The following TRHDE variants were observed in gnomAD, a reference collection of about 807,000 sequenced individuals.
TRHDE encodes thyrotropin releasing hormone degrading enzyme.
TRHDE carries 72 observed loss-of-function variants against 125.7 expected under a neutral mutation model. The observed-to-expected ratio is 0.57, with a 90% CI of 0.47 to 0.70. The LOEUF is 0.70. Among genes scored for constraint, TRHDE ranks in the 30% least tolerant of loss-of-function variants. The pLI, the probability that TRHDE is intolerant of heterozygous loss-of-function variation, is 0.00. For synonymous variants in TRHDE, 509 were observed against 509.1 expected (o/e 1.00, Z 0.00); for missense variants, 1,110 against 1,327.1 (o/e 0.84, Z 2.54).
chr12:72,364,048 G>A (rs1344014811), intron 2 of TRHDE, among the ~76,000 whole-genome samples: 2 of 152,006 alleles, frequency 1.3e-5, no homozygotes, highest in African/African-American at 2.4e-5. Context: ...AAAATAGCTA[G>A]GAAGCCAACT....
At chr12:72,482,309 T>C (rs1012735527) in intron 5 of TRHDE, among the ~76,000 whole-genome samples, 21 of 151,912 alleles carry the variant, frequency 1.4e-4, no homozygotes, top group African/African-American at 4.6e-4. Context: ...GTAGCTTTTT[T>C]ACAGAGCAGC....
At chr12:72,176,597 GA>G (rs1876993891) in intron 2 of TRHDE, among the ~76,000 whole-genome samples, 1 of 152,174 alleles carries the variant, frequency 6.6e-6, no homozygotes, top group South Asian at 2.1e-4. Context: ...GTAGTGGTAT[GA>G]TTTTTTTCTA....
intron 1 of TRHDE, among the ~76,000 whole-genome samples, chr12:72,281,187 T>TA (rs911262187): frequency 3.3e-5 from 5 of 151,940 alleles, no homozygotes; most frequent in African/African-American, 4.8e-5. Context: ...AATGGTTATT[T>TA]AAAAAAAATA....
intron 15 of TRHDE, among the ~76,000 whole-genome samples, chr12:72,647,308 T>G (rs554982948): frequency 1.3e-5 from 2 of 152,016 alleles, no homozygotes; most frequent in Non-Finnish European, 2.9e-5. Context: ...ATACTGAAAC[T>G]TATGGGATAC....
intron 6 of TRHDE, among the ~76,000 whole-genome samples, chr12:72,529,426 T>A (rs1159415002): frequency 6.6e-6 from 1 of 152,154 alleles, no homozygotes; most frequent in African/African-American, 2.4e-5. Context: ...CTTAACCCCC[T>A]GTCCCTCCCT....
In TRHDE at chr12:72,595,843, T is replaced by G. The variant is rs1042103253; in HGVS notation, c.2321+20301T>G. Reference sequence around the variant, plus strand: ...GGCCCAGTGAGTGTTTAATGAATATTTTCTGTTATTATATAACAGTCCTTG... The same window carrying G: ...GGCCCAGTGAGTGTTTAATGAATATGTTCTGTTATTATATAACAGTCCTTG... On this transcript the variant is annotated intron_variant, in intron 12 of 18. Transcript: ENST00000261180. Among the ~76,000 whole-genome samples the G allele has an allele frequency of 8.5e-5, 13 of 152,270 alleles. No individual in the cohort carries two copies. The East Asian group carries it at 2.3e-3, about 27-fold the overall frequency.
chr12:72,197,361 G>A (rs982770463), intron 2 of TRHDE, among the ~76,000 whole-genome samples: 3 of 152,032 alleles, frequency 2.0e-5, no homozygotes, highest in Admixed American at 6.6e-5. Context: ...CATACAATAT[G>A]CTTCACTTAT....
intron 5 of TRHDE, among the ~76,000 whole-genome samples, chr12:72,481,481 A>G (rs1877169425): frequency 6.6e-6 from 1 of 151,688 alleles, no homozygotes; most frequent in Non-Finnish European, 1.5e-5. Flanking sequence ...TGTACCTCTC[A>G]ACACTTTACA....
intron 15 of TRHDE, among the ~76,000 whole-genome samples, chr12:72,638,901 A>C (rs990445416): frequency 6.6e-6 from 1 of 151,442 alleles, no homozygotes. Flanking sequence ...CTTCCCTTTG[A>C]GGGTAACCCG....
chr12:72,361,235 A>T (rs780290735), intron 2 of TRHDE, among the ~76,000 whole-genome samples: 1 of 151,802 alleles, frequency 6.6e-6, no homozygotes, highest in Non-Finnish European at 1.5e-5. Flanking sequence ...TGACTTTACC[A>T]TGTTAAATAA....
intron 12 of TRHDE, among the ~76,000 whole-genome samples, chr12:72,580,733 G>A (rs1005526254): frequency 1.3e-5 from 2 of 152,246 alleles, no homozygotes; most frequent in African/African-American, 2.4e-5. Flanking sequence ...GAGCCACAGT[G>A]CCTTGCCTGT....
At chr12:72,611,593 C>T (rs1872636632) in intron 12 of TRHDE, among the ~76,000 whole-genome samples, 1 of 152,262 alleles carries the variant, frequency 6.6e-6, no homozygotes, top group Admixed American at 6.5e-5. Flanking sequence ...TGAACCTTCA[C>T]TCTAACAAAG....
rs184082590 is a variant in TRHDE at position 72,425,950 on chromosome 12, G to C, written c.1316-43808G>C. On this transcript the variant is annotated intron_variant, in intron 3 of 18. Coordinates refer to ENST00000261180, the MANE Select transcript of TRHDE (RefSeq NM_013381.3). ...CTCATATATATATATAATTACAAAA[G>C]GTCAAAAAAAAGCAAGACATCAACT... Among the ~76,000 whole-genome samples, 10 of 151,664 alleles carry C rather than the reference G, an allele frequency of 6.6e-5. No homozygotes were observed. The East Asian group carries it at 1.9e-3, about 29-fold the overall frequency.
At chr12:72,243,255 G>T (rs1331374571) in intron 2 of TRHDE, among the ~76,000 whole-genome samples, 1 of 152,136 alleles carries the variant, frequency 6.6e-6, no homozygotes, top group African/African-American at 2.4e-5. Flanking sequence ...GCTTTTACTT[G>T]CTGCCAAAAG....
chr12:72,655,396 T>C (rs1317119799), intron 17 of TRHDE, among the ~76,000 whole-genome samples: 1 of 152,142 alleles, frequency 6.6e-6, no homozygotes, highest in African/African-American at 2.4e-5. Context: ...AATATCAAAC[T>C]GCTTGTAGTT....
intron 1 of TRHDE, among the ~76,000 whole-genome samples, chr12:72,087,879 G>A (rs1024615501): frequency 3.3e-5 from 5 of 152,152 alleles, no homozygotes; most frequent in Non-Finnish European, 5.9e-5. Flanking sequence ...TTTACCAGCC[G>A]AGGTGTAGGA....
chr12:72,643,441 A>G (rs1190376461), intron 15 of TRHDE, among the ~76,000 whole-genome samples: 1 of 152,192 alleles, frequency 6.6e-6, no homozygotes, highest in Non-Finnish European at 1.5e-5. Context: ...GCACATTCAA[A>G]GTATGCAGTC....
intron 6 of TRHDE, among the ~76,000 whole-genome samples, chr12:72,523,705 A>G (rs1376536895): frequency 6.6e-6 from 1 of 152,184 alleles, no homozygotes; most frequent in African/African-American, 2.4e-5. Flanking sequence ...AACCTTAAAC[A>G]ATGAATTTCT....
rs563575017 is a variant in TRHDE, at chr12:72,619,479, A to T, written c.2469+441A>T. Among the ~76,000 whole-genome samples, 5 of 152,292 alleles carry T rather than the reference A, an allele frequency of 3.3e-5. No individual in the cohort carries two copies. In the South Asian group the frequency reaches 1.0e-3, roughly 32 times the overall value. On this transcript the variant is annotated intron_variant, in intron 13 of 18. Coordinates refer to ENST00000261180, the MANE Select transcript of TRHDE (RefSeq NM_013381.3). The stretch of plus-strand genomic sequence containing the variant: ...CACTGCCTTAATTAACAAGGATAAG[A>T]TCAACATTGAGGCAAAAGCCCATTC...
Sources: allele counts gnomAD v4.1 joint callset (sites outside exome capture counted in the v4.1 genomes callset), GRCh38; gene constraint gnomAD v4.1.1; transcripts MANE v1.5; gene names NCBI Gene and HGNC (gene_info 2026-07-23, HGNC 2026-07-21).